Variants in FBXO11 observed in about 807,000 individuals in gnomAD.
FBXO11 encodes the protein F-box protein 11.
FBXO11 carries 13 observed loss-of-function variants against 117.0 expected under a neutral mutation model. The observed-to-expected ratio is 0.11, with a 90% confidence interval of 0.07 to 0.18. The LOEUF (loss-of-function observed/expected upper bound fraction) is 0.18, where lower values mean the gene tolerates loss of function less well. Ranked by LOEUF, FBXO11 falls within the 10% of genes least tolerant of loss-of-function variation. FBXO11 has a pLI of 1.00. For missense variants in FBXO11, 767 were observed against 1,164.4 expected, an observed-to-expected ratio of 0.66 and a Z score of 4.97; for synonymous variants, 490 against 380.5, an observed-to-expected ratio of 1.29 and a Z score of -3.35.
At chr2:47,829,675 T>C (rs868002075) in intron 11 of FBXO11, among the ~76,000 whole-genome samples, 9 of 152,126 alleles carry the variant, frequency 5.9e-5, no homozygotes, top group African/African-American at 1.9e-4. Flanking sequence ...TTCCTAATTA[T>C]TGAGGAGTGG....
intron 1 of FBXO11, among the ~76,000 whole-genome samples, chr2:47,876,207 G>A (rs1675994174): frequency 6.6e-6 from 1 of 151,598 alleles, no homozygotes; most frequent in Non-Finnish European, 1.5e-5. Flanking sequence ...GCTACTTTTT[G>A]GGAACAAAGC....
At chr2:47,901,129 A>G (rs866680970) in intron 1 of FBXO11, among the ~76,000 whole-genome samples, 2 of 100,514 alleles carry the variant, frequency 2.0e-5, no homozygotes, top group Middle Eastern at 4.9e-3. Flanking sequence ...ACGTGTGTAC[A>G]TGTATATATA....
intron 1 of FBXO11, among the ~76,000 whole-genome samples, chr2:47,875,297 A>C (rs1675917299): frequency 6.6e-6 from 1 of 152,220 alleles, no homozygotes; most frequent in African/African-American, 2.4e-5. Flanking sequence ...ACATGTGGCA[A>C]GTGGCTACCA....
intron 1 of FBXO11, among the ~76,000 whole-genome samples, chr2:47,892,285 CACCATCTCAAGATATT>C (rs1677311700): frequency 6.6e-6 from 1 of 152,170 alleles, no homozygotes; most frequent in South Asian, 2.1e-4. Flanking sequence ...AACTCGCCAC[CACCATCTCAAGATATT>C]AGTTAACATT....
intron 7 of FBXO11, among the ~76,000 whole-genome samples, chr2:47,833,899 C>T (rs963623929): frequency 6.6e-6 from 1 of 151,780 alleles, no homozygotes. Flanking sequence ...AACTCCTGAC[C>T]TGAAGCGATC....
chr2:47,863,040 C>T (rs990217278), intron 1 of FBXO11, among the ~76,000 whole-genome samples: 7 of 139,414 alleles, frequency 5.0e-5, no homozygotes, highest in African/African-American at 8.1e-5. Flanking sequence ...GGGTGACAAG[C>T]GTAAAACTGT....
chr2:47,893,366 A>G (rs909453447), intron 1 of FBXO11, among the ~76,000 whole-genome samples: 2 of 152,106 alleles, frequency 1.3e-5, no homozygotes, highest in African/African-American at 2.4e-5. Flanking sequence ...ATATATATAT[A>G]TACACACATA....
chr2:47,860,276 G>A (rs1294555454), intron 1 of FBXO11, among the ~76,000 whole-genome samples: 1 of 152,152 alleles, frequency 6.6e-6, no homozygotes, highest in Non-Finnish European at 1.5e-5. Flanking sequence ...TTGCCAGAGA[G>A]CACAGAACCA....
intron 1 of FBXO11, among the ~76,000 whole-genome samples, chr2:47,854,851 GT>G (rs770264788): frequency 0.013 from 959 of 75,124 alleles, 2 homozygotes; most frequent in Middle Eastern, 0.021. Context: ...TCTTTATTCT[GT>G]TTTTTTTTTT....
chr2:47,809,263 T>C lies in FBXO11; in HGVS notation c.2450A>G (p.Asn817Ser), dbSNP rs1431191035. The C allele has an allele frequency of 6.5e-7, 1 of 1,544,266 alleles. No individual in the cohort carries two copies. Residue 817 changes from asparagine (N) to serine (S), a missense_variant, in exon 21 of 23, where the codon AAC becomes AGC. Asn to Ser is a conservative substitution (Grantham distance 46). This residue lies in a region of FBXO11 where 66 missense variants were observed against 82.7 expected (regional missense o/e 0.80). Coordinates refer to ENST00000403359, the MANE Select transcript of FBXO11 (RefSeq NM_001190274.2). Reference protein sequence around the residue: ...ASGVNVTMKDNKIMNNQDAIE... With the variant: ...ASGVNVTMKDSKIMNNQDAIE... ...GGCATCTTGATTGTTCATTATTTTG[T>C]TATCTGTAATAAAAGAAAGAATAAG...
At chr2:47,891,202 A>C (rs765982665) in intron 1 of FBXO11, among the ~76,000 whole-genome samples, 121 of 152,266 alleles carry the variant, frequency 7.9e-4, no homozygotes, top group South Asian at 1.2e-3. Flanking sequence ...ACTGTTGACT[A>C]TAGGTACAAT....
Position 47,807,906 on chromosome 2 carries a change from G to A in FBXO11, c.*212C>T. On this transcript the variant is annotated 3_prime_UTR_variant, in exon 23 of 23. Coordinates refer to ENST00000403359, the MANE Select transcript of FBXO11 (RefSeq NM_001190274.2). ...TTCTGTCCCTTCAAGTCTTTACACA[G>A]TAATGCTAAAACACCCAGCTTTGAG... 1.0e-5 allele frequency: 5 copies of A among 499,610 alleles called. No individual in the cohort carries two copies. The Admixed American group carries it at 1.8e-4, about 18-fold the overall frequency. The allele number at this position is 499,610 out of a possible 1,614,324, so 30.9% of individuals were successfully genotyped here. A position where few individuals can be genotyped will look rare whatever the true frequency, so the allele number is the denominator to read the frequency against.
At chr2:47,897,154 C>A (rs1463928332) in intron 1 of FBXO11, among the ~76,000 whole-genome samples, 1 of 152,188 alleles carries the variant, frequency 6.6e-6, no homozygotes, top group Non-Finnish European at 1.5e-5. Flanking sequence ...TCTTCCCCAT[C>A]CCCTTTCCTA....
intron 1 of FBXO11, among the ~76,000 whole-genome samples, chr2:47,894,662 TG>T (rs781373395): frequency 6.6e-6 from 1 of 152,140 alleles, no homozygotes; most frequent in South Asian, 2.1e-4. Flanking sequence ...TTCTGACTAG[TG>T]GGAAAAAAGT....
chr2:47,887,354 A>G (rs1231921683), intron 1 of FBXO11, among the ~76,000 whole-genome samples: 1 of 151,706 alleles, frequency 6.6e-6, no homozygotes, highest in Admixed American at 6.6e-5. Flanking sequence ...TTTCTTTTCA[A>G]AAGAACCAAC....
intron 1 of FBXO11, among the ~76,000 whole-genome samples, chr2:47,858,681 C>CAAAAAAAAAAAAAA (rs902232765): frequency 3.0e-5 from 2 of 67,494 alleles, no homozygotes; most frequent in Non-Finnish European, 5.8e-5. Context: ...GACTCTGCCT[C>CAAAAAAAAAAAAAA]AAAAAAAAAA....
chr2:47,829,224 C>T (rs1346029020), intron 11 of FBXO11, among the ~76,000 whole-genome samples: 2 of 151,238 alleles, frequency 1.3e-5, no homozygotes, highest in Non-Finnish European at 2.9e-5. Context: ...TTTGGCACTG[C>T]TATGACATTT....
rs1672419973 is a variant in FBXO11, at chr2:47,834,602, G to C, written c.911C>G (p.Ser304Cys). The C allele has an allele frequency of 3.2e-6, 5 of 1,582,254 alleles. No homozygotes were observed. Among genetic ancestry groups the C allele is most frequent in the Non-Finnish European group, 4.3e-6 (5 of 1,168,552 alleles). The change falls in exon 7 of 23, where the codon TCT becomes TGT. Residue 304 changes from serine (S) to cysteine (C), a missense_variant. Physicochemically the swap from Ser to Cys is moderately radical, Grantham distance 112. Around this residue, in one of 10 missense-constraint regions of FBXO11, gnomAD observed 123 missense variants for 145.0 expected, o/e 0.85. Coordinates refer to ENST00000403359, the MANE Select transcript of FBXO11 (RefSeq NM_001190274.2). ...IYTDEWIYIE[S>C]PITMIGAAPG... ...ACCTGCACCAATCATGGTGATTGGAGATTCAATATATATCCATTCATCAGT... is the reference window on the plus strand; with the variant it reads ...ACCTGCACCAATCATGGTGATTGGACATTCAATATATATCCATTCATCAGT...
chr2:47,807,018 G>A lies in FBXO11; in HGVS notation c.*1100C>T. On this transcript the variant is annotated 3_prime_UTR_variant, in exon 23 of 23. Transcript: ENST00000403359. ...AATTCTTATCTACCTTCTACATAAT[G>A]GTTATTGAATACTCCACAATATATT... is the stretch of plus-strand genomic sequence containing the variant. 1 of 660,708 alleles carries A rather than the reference G, an allele frequency of 1.5e-6. No individual in the cohort carries two copies. The highest frequency in any genetic ancestry group is 2.7e-6 in the Non-Finnish European group (1 of 375,618). The allele number at this position is 660,708 out of a possible 1,614,324, so 40.9% of individuals were successfully genotyped here. A position where few individuals can be genotyped will look rare whatever the true frequency, so the allele number is the denominator to read the frequency against.
Sources: gnomAD v4.1 joint callset for allele counts (sites outside exome capture counted in the v4.1 genomes callset) on GRCh38, gnomAD v4.1.1 for gene constraint, gnomAD v4.1.1 regional missense constraint, MANE v1.5 for transcripts, NCBI Gene and HGNC (gene_info 2026-07-23, HGNC 2026-07-21) for gene names.